Variants in RASSF3 observed in about 807,000 individuals in gnomAD.
The protein encoded by RASSF3 is Ras association domain family member 3.
In RASSF3, 19 loss-of-function variants were observed where a neutral mutation model predicts 19.9. The observed-to-expected ratio is 0.96, with a 90% CI of 0.67 to 1.40. RASSF3 has a LOEUF of 1.40. Ranked by LOEUF, RASSF3 falls within the 40% of genes most tolerant of loss-of-function variation. The pLI is 0.00. For missense variants in RASSF3, 306 were observed against 289.8 expected (o/e 1.06, Z -0.41); for synonymous variants, 110 against 104.2 (o/e 1.06, Z -0.34).
chr12:64,648,671 C>T (rs981435756), intron 1 of RASSF3, among the ~76,000 whole-genome samples: 2 of 151,774 alleles, frequency 1.3e-5, no homozygotes, highest in African/African-American at 4.8e-5. Flanking sequence ...TTAGTAGAGA[C>T]GGGGTTTCAT....
rs187910810 is a variant in RASSF3, at chr12:64,697,159, A to C, written c.*2247A>C. 53 of 151,902 alleles carry C rather than the reference A, an allele frequency of 3.5e-4. No homozygotes were observed. Among genetic ancestry groups the C allele is most frequent in the African/African-American group, 1.3e-3 (52 of 41,384 alleles). The allele number at this position is 151,902 out of a possible 1,614,324, so 9.4% of individuals were successfully genotyped here. A position where few individuals can be genotyped will look rare whatever the true frequency, so the allele number is the denominator to read the frequency against. Reference sequence around the variant, plus strand: ...CTCGCTTACTGTCATGTGCACTACAAATTGCAATTTGGAAACCTACTGTAT... The same window carrying C: ...CTCGCTTACTGTCATGTGCACTACACATTGCAATTTGGAAACCTACTGTAT... On this transcript the variant is annotated 3_prime_UTR_variant, in exon 5 of 5. Coordinates refer to ENST00000542104, the MANE Select transcript of RASSF3 (RefSeq NM_178169.4).
downstream of RASSF3, among the ~76,000 whole-genome samples, chr12:64,544,480 A>G (rs1477799737): frequency 6.6e-6 from 1 of 152,102 alleles, no homozygotes; most frequent in African/African-American, 2.4e-5. Context: ...TTCCAGACAC[A>G]GTGGTGCACG....
At chr12:64,520,583 T>TAC (rs1565831387) in intron 1 of RASSF3, among the ~76,000 whole-genome samples, 21 of 134,060 alleles carry the variant, frequency 1.6e-4, no homozygotes, top group African/African-American at 5.6e-4. Flanking sequence ...TATATATATA[T>TAC]ATATATATAT....
At chr12:64,553,402 G>C (rs1232990526) in intron 2 of RASSF3, among the ~76,000 whole-genome samples, 1 of 152,092 alleles carries the variant, frequency 6.6e-6, no homozygotes, top group African/African-American at 2.4e-5. Context: ...TGCCAATTGT[G>C]GTACTGGTAA....
chr12:64,565,901 A>G (rs940131446), intron 2 of RASSF3, among the ~76,000 whole-genome samples: 1 of 148,390 alleles, frequency 6.7e-6, no homozygotes, highest in African/African-American at 2.5e-5. Flanking sequence ...AAAAAAAAAA[A>G]GGATAGAAGA....
chr12:64,594,530 T>C (rs1242631519), intron 2 of RASSF3, among the ~76,000 whole-genome samples: 1 of 152,180 alleles, frequency 6.6e-6, no homozygotes, highest in Admixed American at 6.6e-5. Context: ...TAAAAGGTAA[T>C]GAAAGCAATT....
chr12:64,559,882 A>G (rs1175689210), intron 2 of RASSF3, among the ~76,000 whole-genome samples: 9 of 152,220 alleles, frequency 5.9e-5, no homozygotes, highest in African/African-American at 2.2e-4. Flanking sequence ...TTTGATATAT[A>G]ATCTCTTTTT....
At chr12:64,544,194 G>A (rs1043588998), downstream of RASSF3, among the ~76,000 whole-genome samples, 4 of 152,008 alleles carry the variant, frequency 2.6e-5, no homozygotes, top group African/African-American at 4.8e-5. Context: ...CGCTCATCGC[G>A]AAGGTCTGCA....
intron 1 of RASSF3, among the ~76,000 whole-genome samples, chr12:64,658,554 C>G (rs897348957): frequency 6.6e-6 from 1 of 152,162 alleles, no homozygotes; most frequent in Non-Finnish European, 1.5e-5. Context: ...GTAACCCCAG[C>G]ACTTTGGAAG....
chr12:64,546,243 G>T (rs1458947049), downstream of RASSF3, among the ~76,000 whole-genome samples: 1 of 151,928 alleles, frequency 6.6e-6, no homozygotes, highest in Non-Finnish European at 1.5e-5. Flanking sequence ...CATACCCGAA[G>T]TGTGGTGCTG....
chr12:64,607,806 G>C (rs1359406679), upstream of RASSF3, among the ~76,000 whole-genome samples: 2 of 152,058 alleles, frequency 1.3e-5, no homozygotes, highest in Non-Finnish European at 2.9e-5. Context: ...ACCCAGGCTA[G>C]AGTGCAGTGG....
intron 1 of RASSF3, among the ~76,000 whole-genome samples, chr12:64,632,642 C>T (rs1231241330): frequency 6.6e-6 from 1 of 151,910 alleles, no homozygotes; most frequent in Non-Finnish European, 1.5e-5. Flanking sequence ...GATGGCCATG[C>T]CACTGTGGAA....
At chr12:64,537,539 A>G (rs1868853678) in intron 1 of RASSF3, among the ~76,000 whole-genome samples, 1 of 151,708 alleles carries the variant, frequency 6.6e-6, no homozygotes, top group Admixed American at 6.6e-5. Context: ...AAGCTAAACA[A>G]CTCCCAATCT....
At chr12:64,572,806 T>C (rs775568900) in intron 2 of RASSF3, among the ~76,000 whole-genome samples, 16 of 152,238 alleles carry the variant, frequency 1.1e-4, no homozygotes, top group Non-Finnish European at 2.1e-4. Flanking sequence ...GTTTCACATA[T>C]ATAAAGACAG....
At chr12:64,603,851 T>C (rs1870137182) in intron 2 of RASSF3, among the ~76,000 whole-genome samples, 1 of 152,210 alleles carries the variant, frequency 6.6e-6, no homozygotes, top group African/African-American at 2.4e-5. Context: ...TCCTTTTTTT[T>C]TTCTTTTTCT....
intron 1 of RASSF3, among the ~76,000 whole-genome samples, chr12:64,648,340 G>T (rs573724034): frequency 1.3e-5 from 2 of 152,136 alleles, no homozygotes; most frequent in Non-Finnish European, 2.9e-5. Flanking sequence ...ACTTGCAGTA[G>T]GATGTCCATC....
At chr12:64,667,311 T>C (rs1378149599) in intron 1 of RASSF3, among the ~76,000 whole-genome samples, 1 of 152,150 alleles carries the variant, frequency 6.6e-6, no homozygotes, top group Non-Finnish European at 1.5e-5. Flanking sequence ...TTACTTGGAA[T>C]GTGTGTGTGT....
At chr12:64,547,764 TC>T (rs1044173748) in intron 2 of RASSF3, among the ~76,000 whole-genome samples, 2 of 152,028 alleles carry the variant, frequency 1.3e-5, no homozygotes, top group Non-Finnish European at 2.9e-5. Flanking sequence ...ATCAAATTCT[TC>T]CCCCCCACAA....
At chr12:64,691,625 C>G in intron 4 of RASSF3, 46 bp downstream of exon 4, 1 of 1,092,748 alleles carries the variant, frequency 9.2e-7, no homozygotes, top group Non-Finnish European at 1.3e-6. Context: ...GAACAGCTGG[C>G]CCTATTTTAT....
Sources: gnomAD v4.1 joint callset for allele counts (sites outside exome capture counted in the v4.1 genomes callset) on GRCh38, gnomAD v4.1.1 for gene constraint, MANE v1.5 for transcripts, NCBI Gene and HGNC (gene_info 2026-07-23, HGNC 2026-07-21) for gene names.